The following DKKL1 variants were observed in gnomAD, a reference collection of about 807,000 sequenced individuals.
DKKL1 encodes dickkopf like acrosomal protein 1, also known as dickkopf-like protein 1.
Under a neutral mutation model 16.5 loss-of-function variants are expected in DKKL1, and 11 were observed. That is an observed-to-expected ratio of 0.67 (90% CI 0.42 to 1.10). The LOEUF (loss-of-function observed/expected upper bound fraction) is 1.10, where lower values mean the gene tolerates loss of function less well. Ranked by LOEUF, DKKL1 falls within the 50% of genes least tolerant of loss-of-function variation. The pLI, the probability that DKKL1 is intolerant of heterozygous loss-of-function variation, is 0.00. For missense variants in DKKL1, 320 were observed against 308.1 expected, an observed-to-expected ratio of 1.04 and a Z score of -0.29; for synonymous variants, 119 against 133.2, an observed-to-expected ratio of 0.89 and a Z score of 0.73.
upstream of DKKL1, chr19:49,363,509 TCCAGTGCAGGGGCGTGGC>T (rs879366205): frequency 3.1e-4 from 74 of 240,882 alleles, no homozygotes; most frequent in South Asian, 7.2e-4. Context: ...AGGGGCGTGG[TCCAGTGCAGGGGCGTGGC>T]CCAGTGCAGG....
At chr19:49,365,698 T>G (rs748930330) in intron 3 of DKKL1, 49 bp downstream of exon 3, 2 of 1,595,816 alleles carry the variant, frequency 1.3e-6, no homozygotes, top group South Asian at 1.1e-5. Flanking sequence ...GATCCCTCCA[T>G]CCCGCCATCC....
intron 4 of DKKL1, among the ~76,000 whole-genome samples, chr19:49,373,601 C>T (rs987822681): frequency 7.9e-5 from 12 of 152,032 alleles, no homozygotes; most frequent in African/African-American, 2.4e-4. Flanking sequence ...TCCCAAGTAG[C>T]TGGGATTACA....
At chr19:49,367,058 G>A (rs751228357) in intron 4 of DKKL1, among the ~76,000 whole-genome samples, 11 of 149,910 alleles carry the variant, frequency 7.3e-5, no homozygotes, top group Non-Finnish European at 1.6e-4. Context: ...ATGGAGTTTC[G>A]CTCTGTTGCC....
chr19:49,364,636 C>T lies in DKKL1; in HGVS notation c.65C>T (p.Ser22Phe), dbSNP rs748281161. ...RHLLVLLLLLSTLVIPSAAAP... is the reference protein window; with the variant it reads ...RHLLVLLLLLFTLVIPSAAAP... ...CTGCTGGTCCTGCTGCTGCTCCTCT[C>T]TACCCTGGTGATCCCCTCCGCTGCA... is the stretch of plus-strand genomic sequence containing the variant. Residue 22 changes from serine to phenylalanine, a missense_variant, in exon 2 of 5, where the codon TCT becomes TTT. Ser to Phe is a radical substitution (Grantham distance 155). Coordinates refer to ENST00000221498, the MANE Select transcript of DKKL1 (RefSeq NM_014419.4). 2.1e-5 allele frequency: 34 copies of T among 1,613,596 alleles called. No homozygotes were observed. The highest frequency in any genetic ancestry group is 1.8e-4 in the Middle Eastern group (1 of 5,678).
chr19:49,360,743 ACCC>A (rs1972795493), upstream of DKKL1, among the ~76,000 whole-genome samples: 1 of 80,518 alleles, frequency 1.2e-5, no homozygotes, highest in Non-Finnish European at 2.7e-5. Context: ...GGGGACAGAG[ACCC>A]AGAGAGGGAG....
chr19:49,365,512 A>G lies in DKKL1; in HGVS notation c.187A>G (p.Asn63Asp), dbSNP rs1175547049. 1.9e-6 allele frequency: 3 copies of G among 1,600,942 alleles called. No individual in the cohort carries two copies. Among genetic ancestry groups the G allele is most frequent in the African/African-American group, 1.3e-5 (1 of 74,674 alleles). Residue 63 changes from asparagine to aspartate, a missense_variant, in exon 3 of 5, where the codon AAC (asparagine) becomes GAC (aspartate). Asn to Asp is a conservative substitution (Grantham distance 23). Coordinates refer to ENST00000221498, the MANE Select transcript of DKKL1 (RefSeq NM_014419.4). ...QGFSRLFLKG[N>D]LLRGIDSLFS... The stretch of plus-strand genomic sequence containing the variant: ...CCAGTCCCTCCTCCGGCCCCAGGGT[A>G]ACCTGCTTCGGGGCATAGACAGCTT...
rs1029812850 is a variant in DKKL1, at chr19:49,374,917, G to T, written c.618G>T (p.Lys206Asn). The part of the protein sequence containing the change: ...RLQAIRDGLR[K>N]GTHKDVLEEG... ...AGGCCATCCGGGATGGACTCCGCAA[G>T]GGGACCCACAAGGACGTCCTAGAAG... Residue 206 changes from lysine (K) to asparagine (N), a missense_variant, in exon 5 of 5, where the codon AAG becomes AAT. Lys to Asn is a moderately conservative substitution (Grantham distance 94, BLOSUM62 0). Coordinates refer to ENST00000221498, the MANE Select transcript of DKKL1 (RefSeq NM_014419.4). 1 of 1,613,996 alleles carries T rather than the reference G, an allele frequency of 6.2e-7. No individual in the cohort carries two copies. Among genetic ancestry groups the T allele is most frequent in the South Asian group, 1.1e-5 (1 of 91,076 alleles).
intron 4 of DKKL1, among the ~76,000 whole-genome samples, chr19:49,367,625 T>C (rs7256997): frequency 0.035 from 5,236 of 150,616 alleles, 278 homozygotes; most frequent in African/African-American, 0.12. Context: ...AGACTGCTCT[T>C]GAACTCCTGA....
chr19:49,371,732 T>C (rs1326062437), intron 4 of DKKL1, among the ~76,000 whole-genome samples: 1 of 152,190 alleles, frequency 6.6e-6, no homozygotes, highest in Non-Finnish European at 1.5e-5. Flanking sequence ...GCCCGTCACC[T>C]GCATTGGGTG....
intron 4 of DKKL1, among the ~76,000 whole-genome samples, chr19:49,371,489 C>A (rs934264352): frequency 6.7e-6 from 1 of 148,992 alleles, no homozygotes; most frequent in South Asian, 2.1e-4. Flanking sequence ...TTTTTTGGAT[C>A]TTTGTCCACT....
rs144902139 is a variant in DKKL1, at chr19:49,374,826, G to C, written c.527G>C (p.Arg176Pro). ...RVAFWIIKLPRRRSHQDALEG... is the reference protein window; with the variant it reads ...RVAFWIIKLPPRRSHQDALEG... The stretch of plus-strand genomic sequence containing the variant: ...GCCTTCTGGATCATTAAGCTGCCAC[G>C]GCGGAGGTCCCACCAGGATGCCCTG... Residue 176 changes from arginine (R) to proline (P), a missense_variant, in exon 5 of 5, where the codon CGG becomes CCG. Coordinates refer to ENST00000221498, the MANE Select transcript of DKKL1 (RefSeq NM_014419.4). 6.2e-7 allele frequency: 1 copy of C among 1,613,538 alleles called. No individual in the cohort carries two copies. The highest frequency in any genetic ancestry group is 1.3e-5 in the African/African-American group (1 of 75,028).
chr19:49,363,938 G>A lies in DKKL1; in HGVS notation c.-61G>A. 1.2e-6 allele frequency: 2 copies of A among 1,605,428 alleles called. No individual in the cohort carries two copies. Among genetic ancestry groups the A allele is most frequent in the Non-Finnish European group, 1.7e-6 (2 of 1,175,758 alleles). On this transcript the variant is annotated 5_prime_UTR_variant, in exon 1 of 5. Transcript: ENST00000221498. ...CAGTACGTGGGCGGCCGGAATCCGG[G>A]AGTCCGGTGACCCGGGCTGTGGTCT... is the stretch of plus-strand genomic sequence containing the variant.
chr19:49,373,853 CTG>C, intron 4 of DKKL1, among the ~76,000 whole-genome samples: 1 of 152,180 alleles, frequency 6.6e-6, no homozygotes, highest in Non-Finnish European at 1.5e-5. Flanking sequence ...TTCAGCAGGT[CTG>C]AGTGGGGTGG....
chr19:49,374,384 T>C (rs1177860898), intron 4 of DKKL1, among the ~76,000 whole-genome samples: 1 of 152,148 alleles, frequency 6.6e-6, no homozygotes. Context: ...CTAAAGTGCT[T>C]TGTACATTTC....
intron 2 of DKKL1, 102 bp from the exon 3 acceptor site, chr19:49,365,407 A>C: frequency 7.2e-7 from 1 of 1,397,858 alleles, no homozygotes; most frequent in Non-Finnish European, 9.5e-7. Context: ...GATGGGAGGG[A>C]CTTGGGGCAA....
intron 1 of DKKL1, 101 bp from the exon 2 acceptor site, chr19:49,364,481 T>G: frequency 1.1e-6 from 1 of 944,630 alleles, no homozygotes; most frequent in South Asian, 1.7e-5. Flanking sequence ...GTGTGGGAGT[T>G]GCCTGAACTG....
intron 4 of DKKL1, chr19:49,369,271 G>A (rs749703230): frequency 3.9e-5 from 6 of 151,932 alleles, no homozygotes; most frequent in Non-Finnish European, 5.9e-5. Context: ...TCCTGCCTCA[G>A]CCTCCCAAAG....
chr19:49,373,748 C>T (rs1568598003), intron 4 of DKKL1, among the ~76,000 whole-genome samples: 1 of 152,052 alleles, frequency 6.6e-6, no homozygotes, highest in Non-Finnish European at 1.5e-5. Flanking sequence ...GGATTACACA[C>T]ATGAGCCACC....
At chr19:49,363,602 A>G (rs1973105273), upstream of DKKL1, 2 of 336,656 alleles carry the variant, frequency 5.9e-6, no homozygotes, top group South Asian at 4.9e-5. Flanking sequence ...CGAGGGCCGC[A>G]ATCAGAGAAC....
Sources: allele counts gnomAD v4.1 joint callset (sites outside exome capture counted in the v4.1 genomes callset), GRCh38; gene constraint gnomAD v4.1.1; transcripts MANE v1.5; gene names NCBI Gene and HGNC (gene_info 2026-07-23, HGNC 2026-07-21).